PCDHGA1: variants seen among roughly 807,000 people sequenced by gnomAD.
PCDHGA1 encodes the protein protocadherin gamma subfamily A, 1.
Under a neutral mutation model 58.0 loss-of-function variants are expected in PCDHGA1, and 32 were observed. The observed-to-expected ratio is 0.55, with a 90% confidence interval of 0.42 to 0.74. The LOEUF is 0.74. PCDHGA1 is among the 30% of genes least tolerant of loss of function. PCDHGA1 has a pLI of 0.00. For synonymous variants in PCDHGA1, 498 were observed against 501.1 expected, an observed-to-expected ratio of 0.99 and a Z score of 0.08; for missense variants, 1,205 against 1,182.3, an observed-to-expected ratio of 1.02 and a Z score of -0.28.
chr5:141,480,955 G>A (rs2154578440), intron 1 of PCDHGA1, among the ~76,000 whole-genome samples: 1 of 152,304 alleles, frequency 6.6e-6, no homozygotes, highest in South Asian at 2.1e-4. Context: ...TGAGGCGGAA[G>A]CATCAGTGAG....
In PCDHGA1 at chr5:141,389,793, C is replaced by T. The variant is rs773579820; in HGVS notation, c.2421+56688C>T. On this transcript the variant is annotated intron_variant, in intron 1 of 3. Coordinates refer to ENST00000517417, the MANE Select transcript of PCDHGA1 (RefSeq NM_018912.3). Reference sequence around the variant, plus strand: ...TGCCTTAGGCGACAGGGACGCCGTCCGCCAGCGCCTTCTGGTCGCCGTGCG... The same window carrying T: ...TGCCTTAGGCGACAGGGACGCCGTCTGCCAGCGCCTTCTGGTCGCCGTGCG... 8.7e-6 allele frequency: 14 copies of T among 1,613,452 alleles called. No homozygotes were observed. The Admixed American group carries it at 1.8e-4, about 21-fold the overall frequency.
chr5:141,468,282 G>A (rs1368214716), intron 1 of PCDHGA1, among the ~76,000 whole-genome samples: 1 of 140,012 alleles, frequency 7.1e-6, no homozygotes, highest in African/African-American at 2.7e-5. Context: ...CCGAGACCAC[G>A]CCATTGCACC....
chr5:141,404,804 T>A, intron 1 of PCDHGA1: 1 of 1,613,898 alleles, frequency 6.2e-7, no homozygotes, highest in South Asian at 1.1e-5. Context: ...AGGGCTCTTC[T>A]CGGTGGGGCT....
intron 1 of PCDHGA1, chr5:141,365,949 C>A: frequency 6.2e-7 from 1 of 1,614,242 alleles, no homozygotes; most frequent in Non-Finnish European, 8.5e-7. Context: ...AGTGGGAACC[C>A]TCCACTTAGC....
At chr5:141,410,560 A>C (rs769354927) in intron 1 of PCDHGA1, 42 of 1,612,824 alleles carry the variant, frequency 2.6e-5, no homozygotes, top group Non-Finnish European at 3.5e-5. Context: ...TTTCTCCTGG[A>C]GCCTTAATTC....
intron 1 of PCDHGA1, chr5:141,414,961 G>T: frequency 6.2e-7 from 1 of 1,614,028 alleles, no homozygotes; most frequent in South Asian, 1.1e-5. Flanking sequence ...GACCAAGGTG[G>T]TGGCGGTGGA....
chr5:141,365,657 G>A (rs79266084), intron 1 of PCDHGA1: 42,341 of 1,613,360 alleles, frequency 0.026, 713 homozygotes, highest in East Asian at 0.041. Flanking sequence ...CTTGAAAGTA[G>A]CAGACGTTAA....
chr5:141,404,809 G>A (rs1383342554), intron 1 of PCDHGA1: 1 of 1,613,984 alleles, frequency 6.2e-7, no homozygotes, highest in East Asian at 2.2e-5. Flanking sequence ...TCTTCTCGGT[G>A]GGGCTGCACA....
At chr5:141,364,165 C>T (rs556224229) in intron 1 of PCDHGA1, 4 of 699,984 alleles carry the variant, frequency 5.7e-6, no homozygotes, top group Admixed American at 7.5e-5. Context: ...CAGAGGCGAC[C>T]CGACTCTGCT....
At chr5:141,429,542 A>G (rs1484411621) in intron 1 of PCDHGA1, among the ~76,000 whole-genome samples, 3 of 152,188 alleles carry the variant, frequency 2.0e-5, no homozygotes, top group African/African-American at 7.2e-5. Context: ...AAATAAGAAC[A>G]TGGTAATGAT....
intron 1 of PCDHGA1, among the ~76,000 whole-genome samples, chr5:141,482,765 T>C (rs2099572013): frequency 7.9e-6 from 1 of 127,068 alleles, no homozygotes; most frequent in African/African-American, 3.6e-5. Flanking sequence ...TATTTCATTA[T>C]CACTGAACCT....
intron 1 of PCDHGA1, chr5:141,478,777 C>T: frequency 6.7e-7 from 1 of 1,488,806 alleles, no homozygotes. Context: ...CATCTGTGGA[C>T]CTAATTCACA....
In PCDHGA1 at chr5:141,489,399, C is replaced by A. The variant is rs2099686689; in HGVS notation, c.2422-5408C>A. On this transcript the variant is annotated intron_variant, in intron 1 of 3. Coordinates refer to ENST00000517417, the MANE Select transcript of PCDHGA1 (RefSeq NM_018912.3). The surrounding 1 kb of genome is among the most constrained non-coding windows in gnomAD (Gnocchi z 4.5). ...TGGGGAATGTTGCTCAGGATCTGGGCTTAAAGATGACAGATCTGTTGAGCC... is the reference window on the plus strand; with the variant it reads ...TGGGGAATGTTGCTCAGGATCTGGGATTAAAGATGACAGATCTGTTGAGCC... 1 of 1,614,024 alleles carries A rather than the reference C, an allele frequency of 6.2e-7. No homozygotes were observed. Among genetic ancestry groups the A allele is most frequent in the African/African-American group, 1.3e-5 (1 of 74,910 alleles).
At chr5:141,442,129 G>T in intron 1 of PCDHGA1, 1 of 165,104 alleles carries the variant, frequency 6.1e-6, no homozygotes, top group Non-Finnish European at 1.3e-5. Flanking sequence ...CCGACAGCCT[G>T]CAGGAGACTC....
rs1453419469 is a variant in PCDHGA1, at chr5:141,505,501, G to A, written c.2569+20G>A. On this transcript the variant is annotated intron_variant, in intron 3 of 3. Transcript: ENST00000517417. ...CCAGTGGTAAGTGGTGTCAGTGTGT[G>A]TATGGAAGAGTGGGAGACCTGGGGT... The A allele has an allele frequency of 1.2e-6, 2 of 1,614,156 alleles. No homozygotes were observed. Among genetic ancestry groups the A allele is most frequent in the Non-Finnish European group, 1.7e-6 (2 of 1,179,970 alleles).
rs889945954 is a variant in PCDHGA1, at chr5:141,489,368, C to A, written c.2422-5439C>A. The A allele has an allele frequency of 2.5e-6, 4 of 1,613,384 alleles. No homozygotes were observed. Among genetic ancestry groups the A allele is most frequent in the Non-Finnish European group, 3.4e-6 (4 of 1,179,478 alleles). On this transcript the variant is annotated intron_variant, in intron 1 of 3. Coordinates refer to ENST00000517417, the MANE Select transcript of PCDHGA1 (RefSeq NM_018912.3). The surrounding 1 kb of genome is among the most constrained non-coding windows in gnomAD (Gnocchi z 4.5). ...GTGGTGGAGGAGTCTGAGCCGGGGA[C>A]GCTGGTGGGGAATGTTGCTCAGGAT...
At chr5:141,492,448 G>T (rs2734874) in intron 1 of PCDHGA1, among the ~76,000 whole-genome samples, 50 of 152,334 alleles carry the variant, frequency 3.3e-4, no homozygotes, top group African/African-American at 1.2e-3. Context: ...GTAGCTGATT[G>T]TGCGCGCCTG....
intron 1 of PCDHGA1, among the ~76,000 whole-genome samples, chr5:141,445,441 C>T (rs1201825256): frequency 6.6e-6 from 1 of 152,152 alleles, no homozygotes; most frequent in Admixed American, 6.6e-5. Context: ...GACCTATGGA[C>T]TAAGGATGCA....
In PCDHGA1 at chr5:141,485,076, G is replaced by A; in HGVS notation, c.2422-9731G>A. 2.1e-6 allele frequency: 2 copies of A among 944,586 alleles called. No homozygotes were observed. Among genetic ancestry groups the A allele is most frequent in the East Asian group, 2.4e-5 (1 of 41,508 alleles). The allele number at this position is 944,586 out of a possible 1,614,324, so 58.5% of individuals were successfully genotyped here. ...CCGAACCGCGCCAGAGCTGGCGCGG[G>A]GAAAGGGAGATAGGTGTCTCCAGCT... On this transcript the variant is annotated intron_variant, in intron 1 of 3. Coordinates refer to ENST00000517417, the MANE Select transcript of PCDHGA1 (RefSeq NM_018912.3). This position sits in a 1 kb window ranked among gnomAD's most constrained non-coding sequence, Gnocchi z 5.7.
Sources: gnomAD v4.1 joint callset for allele counts (sites outside exome capture counted in the v4.1 genomes callset) on GRCh38, gnomAD v4.1.1 for gene constraint, Gnocchi (gnomAD v3.1) non-coding constraint, MANE v1.5 for transcripts, NCBI Gene and HGNC (gene_info 2026-07-23, HGNC 2026-07-21) for gene names.